Variants in MACROD2 observed in about 807,000 individuals in gnomAD.
MACROD2 encodes the protein mono-ADP ribosylhydrolase 2.
A neutral mutation model predicts 70.4 loss-of-function variants in MACROD2; 36 were observed. The ratio of observed to expected loss-of-function variants is 0.51; its 90% confidence interval spans 0.39 to 0.68. The LOEUF (loss-of-function observed/expected upper bound fraction) is 0.68, where lower values mean the gene tolerates loss of function less well. Among genes scored for constraint, MACROD2 ranks in the 30% least tolerant of loss-of-function variants. The probability of loss-of-function intolerance (pLI) is 0.00; values close to 1 mark genes in which losing one functional copy is unlikely to be tolerated. For missense variants in MACROD2, 496 were observed against 538.4 expected (o/e 0.92, Z 0.78); for synonymous variants, 172 against 178.8 (o/e 0.96, Z 0.30).
intron 3 of MACROD2, among the ~76,000 whole-genome samples, chr20:14,275,052 C>T (rs180770569): frequency 2.0e-5 from 3 of 151,530 alleles, no homozygotes; most frequent in Middle Eastern, 3.4e-3. Flanking sequence ...GAATCAATAT[C>T]GTGAAAGGTA....
At chr20:15,200,534 A>G (rs1411861489) in intron 5 of MACROD2, among the ~76,000 whole-genome samples, 1 of 152,232 alleles carries the variant, frequency 6.6e-6, no homozygotes, top group African/African-American at 2.4e-5. Context: ...ACTTAAAATG[A>G]TGAAACTAAG....
intron 6 of MACROD2, among the ~76,000 whole-genome samples, chr20:15,423,339 A>G (rs547089322): frequency 6.6e-6 from 1 of 152,314 alleles, no homozygotes; most frequent in African/African-American, 2.4e-5. Context: ...ACAGGAATTT[A>G]AAAGTTGAAA....
chr20:15,335,012 T>A (rs6043215), intron 6 of MACROD2, among the ~76,000 whole-genome samples: 58,579 of 151,398 alleles, frequency 0.39, 11,950 homozygotes, highest in East Asian at 0.61. Flanking sequence ...ATCATCACAG[T>A]AGGCTGTGTT....
intron 9 of MACROD2, among the ~76,000 whole-genome samples, chr20:15,871,883 A>G (rs998738436): frequency 1.3e-5 from 2 of 152,192 alleles, no homozygotes; most frequent in South Asian, 4.1e-4. Context: ...GATAGATTCT[A>G]TATTTAAGAA....
intron 2 of MACROD2, among the ~76,000 whole-genome samples, chr20:14,008,103 T>G (rs1477170665): frequency 6.6e-6 from 1 of 152,060 alleles, no homozygotes; most frequent in Non-Finnish European, 1.5e-5. Context: ...TTCAAGATAG[T>G]GTTGGGAGTT....
chr20:15,067,090 A>G (rs1008647098), intron 5 of MACROD2, among the ~76,000 whole-genome samples: 1 of 152,144 alleles, frequency 6.6e-6, no homozygotes, highest in African/African-American at 2.4e-5. Flanking sequence ...TTATCTTCTA[A>G]GAGTCAGAAA....
intron 10 of MACROD2, among the ~76,000 whole-genome samples, chr20:15,897,519 T>G (rs1377718188): frequency 6.6e-6 from 1 of 152,162 alleles, no homozygotes; most frequent in Non-Finnish European, 1.5e-5. Context: ...CTATTCTTTC[T>G]TTCTCTGTTC....
intron 5 of MACROD2, among the ~76,000 whole-genome samples, chr20:15,129,861 C>G (rs911809898): frequency 9.9e-5 from 15 of 152,020 alleles, no homozygotes; most frequent in East Asian, 1.9e-4. Context: ...TCTATGGGTG[C>G]CTTGAATAAT....
At chr20:14,195,744 G>A (rs528123522) in intron 3 of MACROD2, among the ~76,000 whole-genome samples, 1 of 152,302 alleles carries the variant, frequency 6.6e-6, no homozygotes, top group East Asian at 1.9e-4. Flanking sequence ...TGGGGCAGTT[G>A]AGGGAGAGCC....
intron 8 of MACROD2, among the ~76,000 whole-genome samples, chr20:15,601,143 T>G (rs1381223297): frequency 6.6e-6 from 1 of 152,178 alleles, no homozygotes; most frequent in Non-Finnish European, 1.5e-5. Context: ...TTTGTTACCT[T>G]CTGTTGAGCA....
chr20:15,604,201 G>C (rs117587618), intron 8 of MACROD2, among the ~76,000 whole-genome samples: 1,898 of 152,296 alleles, frequency 0.012, 15 homozygotes, highest in Middle Eastern at 0.02. Context: ...GAGTTGCACA[G>C]AGTTTTGGCA....
At chr20:15,064,404 C>T (rs530266403) in intron 5 of MACROD2, among the ~76,000 whole-genome samples, 29 of 152,262 alleles carry the variant, frequency 1.9e-4, no homozygotes, top group Middle Eastern at 3.4e-3. Context: ...CCTGTTGACT[C>T]GGACTTCTGA....
At chr20:15,017,740 G>T (rs2122952954) in intron 5 of MACROD2, among the ~76,000 whole-genome samples, 1 of 152,314 alleles carries the variant, frequency 6.6e-6, no homozygotes, top group East Asian at 1.9e-4. Context: ...GCACCTGCAG[G>T]CTCAACACCA....
chr20:14,971,681 G>A (rs952700529), intron 5 of MACROD2, among the ~76,000 whole-genome samples: 2 of 152,034 alleles, frequency 1.3e-5, no homozygotes, highest in African/African-American at 2.4e-5. Context: ...ACTCAACCTG[G>A]CTGGACATCC....
chr20:14,935,532 C>G (rs2074333540), intron 5 of MACROD2, among the ~76,000 whole-genome samples: 1 of 152,180 alleles, frequency 6.6e-6, no homozygotes, highest in Non-Finnish European at 1.5e-5. Flanking sequence ...GATATAACCA[C>G]TTCAACACAA....
At chr20:15,998,143 C>T (rs537855178) in intron 15 of MACROD2, among the ~76,000 whole-genome samples, 2 of 152,064 alleles carry the variant, frequency 1.3e-5, no homozygotes, top group Admixed American at 6.5e-5. Context: ...ATTTTTATTT[C>T]TTGTAGTGTT....
chr20:14,757,446 A>G (rs1295374236), intron 5 of MACROD2: 1 of 444,442 alleles, frequency 2.3e-6, no homozygotes, highest in Non-Finnish European at 4.1e-6. Context: ...ATTAAAAAGT[A>G]CAACTTTGGA....
chr20:15,294,014 G>A (rs558936446), intron 6 of MACROD2, among the ~76,000 whole-genome samples: 3 of 151,776 alleles, frequency 2.0e-5, no homozygotes, highest in East Asian at 1.9e-4. Flanking sequence ...CAGCTACTTC[G>A]GGAGGCTGAG....
chr20:15,675,912 C>T (rs1417135358), intron 8 of MACROD2, among the ~76,000 whole-genome samples: 2 of 152,054 alleles, frequency 1.3e-5, no homozygotes, highest in Non-Finnish European at 2.9e-5. Flanking sequence ...CACAACAGAG[C>T]CTCAAAACTT....
Sources: gnomAD v4.1 joint callset for allele counts (sites outside exome capture counted in the v4.1 genomes callset) on GRCh38, gnomAD v4.1.1 for gene constraint, MANE v1.5 for transcripts, NCBI Gene and HGNC (gene_info 2026-07-23, HGNC 2026-07-21) for gene names.